GPAM: variants seen among roughly 807,000 people sequenced by gnomAD.
The protein encoded by GPAM is glycerol-3-phosphate acyltransferase, mitochondrial.
Under a neutral mutation model 105.0 loss-of-function variants are expected in GPAM, and 56 were observed. That is an observed-to-expected ratio of 0.53 (90% CI 0.43 to 0.67). The LOEUF (loss-of-function observed/expected upper bound fraction) is 0.67, where lower values mean the gene tolerates loss of function less well. Ranked by LOEUF, GPAM falls within the 30% of genes least tolerant of loss-of-function variation. The pLI is 0.00. For synonymous variants in GPAM, 368 were observed against 354.4 expected, an observed-to-expected ratio of 1.04 and a Z score of -0.43; for missense variants, 855 against 989.8, an observed-to-expected ratio of 0.86 and a Z score of 1.83.
chr10:112,212,585 A>C (rs923336764), intron 1 of GPAM, among the ~76,000 whole-genome samples: 1 of 152,176 alleles, frequency 6.6e-6, no homozygotes, highest in African/African-American at 2.4e-5. Flanking sequence ...TTAATAACAG[A>C]AACCAGTCAT....
intron 11 of GPAM, among the ~76,000 whole-genome samples, chr10:112,167,257 C>T (rs141516095): frequency 3.9e-4 from 60 of 152,236 alleles, no homozygotes; most frequent in African/African-American, 1.3e-3. Context: ...GCCAAAATTT[C>T]CACAATAAAT....
At chr10:112,208,831 A>T (rs1196295751) in intron 1 of GPAM, among the ~76,000 whole-genome samples, 2 of 152,230 alleles carry the variant, frequency 1.3e-5, no homozygotes, top group Admixed American at 1.3e-4. Flanking sequence ...ACAAGCAGGA[A>T]GGATAGACTC....
the GPAM span, among the ~76,000 whole-genome samples, chr10:112,222,756 G>A: frequency 2.0e-5 from 3 of 152,130 alleles, no homozygotes; most frequent in African/African-American, 7.2e-5. Flanking sequence ...TAGATCATGA[G>A]CTGCCTTGAG....
At chr10:112,212,419 T>C (rs1050728333) in intron 1 of GPAM, among the ~76,000 whole-genome samples, 2 of 152,044 alleles carry the variant, frequency 1.3e-5, no homozygotes, top group Non-Finnish European at 2.9e-5. Context: ...CCCACAACCT[T>C]GCCTGGCTAA....
intron 1 of GPAM, among the ~76,000 whole-genome samples, chr10:112,204,646 G>A (rs1220370647): frequency 6.6e-6 from 1 of 151,780 alleles, no homozygotes; most frequent in Non-Finnish European, 1.5e-5. Flanking sequence ...AATCAAAACA[G>A]GCTGTGGGCT....
chr10:112,164,503 T>C, intron 13 of GPAM, 22 bp downstream of exon 13: 2 of 1,238,528 alleles, frequency 1.6e-6, no homozygotes, highest in Non-Finnish European at 2.4e-6. Context: ...TGATTAGCAT[T>C]AAACAATTCT....
chr10:112,201,524 A>G (rs1847796937), intron 1 of GPAM, among the ~76,000 whole-genome samples: 1 of 152,032 alleles, frequency 6.6e-6, no homozygotes, highest in Non-Finnish European at 1.5e-5. Flanking sequence ...CTGTTCCTGG[A>G]CCATCCCCAG....
intron 16 of GPAM, chr10:112,160,368 A>T (rs1589580674): frequency 1.0e-6 from 1 of 975,188 alleles, no homozygotes; most frequent in East Asian, 1.1e-4. Flanking sequence ...CCTGGATAGC[A>T]AGACACTCTA....
the GPAM span, among the ~76,000 whole-genome samples, chr10:112,227,082 G>A: frequency 0.2 from 29,786 of 152,028 alleles, 3,123 homozygotes; most frequent in East Asian, 0.34. Flanking sequence ...TGACCCCTCA[G>A]GCATGCCACT....
chr10:112,186,793 C>T (rs537292112), upstream of GPAM, among the ~76,000 whole-genome samples: 334 of 152,262 alleles, frequency 2.2e-3, no homozygotes, highest in African/African-American at 7.4e-3. Flanking sequence ...TCAAGTGATG[C>T]GCCTGCCTCG....
intron 3 of GPAM, 75 bp downstream of exon 3, chr10:112,181,608 T>C: frequency 1.2e-6 from 1 of 822,404 alleles, no homozygotes; most frequent in Non-Finnish European, 2.2e-6. Flanking sequence ...TTGCTGCCAG[T>C]ATTTGCACCT....
chr10:112,215,780 C>A (rs1205627771), upstream of GPAM, among the ~76,000 whole-genome samples: 1 of 152,114 alleles, frequency 6.6e-6, no homozygotes, highest in Non-Finnish European at 1.5e-5. Flanking sequence ...ATGGGGTGAG[C>A]CTATTTGACA....
chr10:112,156,987 C>T, intron 19 of GPAM: 1 of 602,608 alleles, frequency 1.7e-6, no homozygotes, highest in Non-Finnish European at 2.9e-6. Flanking sequence ...CAGGTATGCA[C>T]CTGTGTATTT....
chr10:112,156,098 GA>G (rs1847013960), intron 19 of GPAM, 45 bp from the exon 20 acceptor site: 2 of 1,364,762 alleles, frequency 1.5e-6, no homozygotes, highest in Admixed American at 3.6e-5. Context: ...GAAGGGACAA[GA>G]GACACAAGGC....
chr10:112,207,766 A>C (rs1847867426), intron 1 of GPAM, among the ~76,000 whole-genome samples: 1 of 152,184 alleles, frequency 6.6e-6, no homozygotes, highest in Admixed American at 6.6e-5. Context: ...GGTGTCCACC[A>C]ATATCACGCT....
At chr10:112,201,427 C>T (rs1160071323) in intron 1 of GPAM, among the ~76,000 whole-genome samples, 1 of 152,166 alleles carries the variant, frequency 6.6e-6, no homozygotes, top group Non-Finnish European at 1.5e-5. Flanking sequence ...CAAGCTCTCA[C>T]ATTGTTTTGC....
At position 112,153,166 on chromosome 10, in the gene GPAM, A is replaced by G. The variant is rs1846950262; in HGVS notation, c.*384T>C. ...TACCAACAAATTACCCAGCAGCACT[A>G]AGTATACCATGTAAGATTCAGTTCC... On this transcript the variant is annotated 3_prime_UTR_variant, in exon 22 of 22. Transcript: ENST00000348367. 2 of 1,077,536 alleles carry G rather than the reference A, an allele frequency of 1.9e-6. No homozygotes were observed. The highest frequency in any genetic ancestry group is 3.3e-5 in the African/African-American group (2 of 60,728). The allele number at this position is 1,077,536 out of a possible 1,614,324, so 66.7% of individuals were successfully genotyped here.
At chr10:112,191,170 C>A (rs1847653887) in intron 1 of GPAM, among the ~76,000 whole-genome samples, 1 of 152,192 alleles carries the variant, frequency 6.6e-6, no homozygotes, top group Non-Finnish European at 1.5e-5. Context: ...AAAGAATGCA[C>A]CAAGTCCAGG....
intron 3 of GPAM, 133 bp from the exon 4 acceptor site, chr10:112,180,728 T>G (rs922944494): frequency 1.3e-6 from 1 of 776,698 alleles, no homozygotes. Context: ...ATTTAAGTAC[T>G]CCCTCCATGA....
Sources: gnomAD v4.1 joint callset for allele counts (sites outside exome capture counted in the v4.1 genomes callset) on GRCh38, gnomAD v4.1.1 for gene constraint, MANE v1.5 for transcripts, NCBI Gene and HGNC (gene_info 2026-07-23, HGNC 2026-07-21) for gene names.